Variants in ALMS1 observed in about 807,000 individuals in gnomAD.
ALMS1 encodes the protein ALMS1 centrosome and basal body associated protein, also known as centrosome-associated protein ALMS1.
Under a neutral mutation model 352.2 loss-of-function variants are expected in ALMS1, and 271 were observed. That is an observed-to-expected ratio of 0.77 (90% CI 0.70 to 0.85). The LOEUF is 0.85. Among genes scored for constraint, ALMS1 ranks in the 40% least tolerant of loss-of-function variants. The probability of loss-of-function intolerance (pLI) is 0.00; values close to 1 mark genes in which losing one functional copy is unlikely to be tolerated. For synonymous variants in ALMS1, 1,865 were observed against 1,761.2 expected (o/e 1.06, Z -1.48); for missense variants, 5,445 against 4,870.7 (o/e 1.12, Z -3.51).
intron 10 of ALMS1, among the ~76,000 whole-genome samples, chr2:73,509,571 A>G (rs1346972167): frequency 1.3e-5 from 2 of 152,188 alleles, no homozygotes. Context: ...TTCTTTAAGA[A>G]TGTTGAATGT....
chr2:73,510,405 G>A (rs7587537), intron 10 of ALMS1, among the ~76,000 whole-genome samples: 12,098 of 152,116 alleles, frequency 0.08, 1,225 homozygotes, highest in African/African-American at 0.23. Flanking sequence ...TTGCGTGGTC[G>A]TTCTTTTTGT....
chr2:73,459,674 G>A (rs1460741951), intron 9 of ALMS1, among the ~76,000 whole-genome samples: 4 of 152,056 alleles, frequency 2.6e-5, no homozygotes, highest in African/African-American at 9.7e-5. Flanking sequence ...TTTTAAGCTG[G>A]TTCCTGTGTG....
In ALMS1 at chr2:73,601,425, G is replaced by A. The variant is rs757364858; in HGVS notation, c.12103G>A (p.Ala4035Thr). 2.0e-5 allele frequency: 33 copies of A among 1,613,938 alleles called. No individual in the cohort carries two copies. Among genetic ancestry groups the A allele is most frequent in the African/African-American group, 4.0e-5 (3 of 74,940 alleles). Residue 4035 changes from alanine to threonine, a missense_variant, in exon 19 of 23, where the codon GCA becomes ACA. Physicochemically the swap from Ala to Thr is moderately conservative, Grantham distance 58. Transcript: ENST00000613296. ...GRDLLRPFVR[A>T]TLQESLQFHR... Reference sequence around the variant, plus strand: ...AGACCTACTGAGGCCATTTGTGAGAGCAACCCTTCAGGTGCAGTGACGTTG... The same window carrying A: ...AGACCTACTGAGGCCATTTGTGAGAACAACCCTTCAGGTGCAGTGACGTTG...
At chr2:73,462,565 C>G (rs1414502779) in intron 9 of ALMS1, among the ~76,000 whole-genome samples, 1 of 152,134 alleles carries the variant, frequency 6.6e-6, no homozygotes, top group Admixed American at 6.5e-5. Flanking sequence ...GCAAAATAAC[C>G]AGCTAACATC....
Position 73,601,546 on chromosome 2 carries a change from C to CT in ALMS1, c.12114+114dup, listed in dbSNP as rs1675689593. The CT allele has an allele frequency of 3.3e-6, 5 of 1,497,554 alleles. No individual in the cohort carries two copies. In the Admixed American group the frequency reaches 7.8e-5, roughly 23 times the overall value. The allele number at this position is 1,497,554 out of a possible 1,614,324, so 92.8% of individuals were successfully genotyped here. On this transcript the variant is annotated intron_variant, in intron 19 of 22. Coordinates refer to ENST00000613296, the MANE Select transcript of ALMS1 (RefSeq NM_001378454.1). ...AGCTGAGGTGTAGGCCTGAGACGCT[C>CT]TTTTCCAGCACCTCCGCAGTTCACC...
intron 9 of ALMS1, among the ~76,000 whole-genome samples, chr2:73,472,391 G>A (rs1672485798): frequency 6.6e-6 from 1 of 152,006 alleles, no homozygotes. Flanking sequence ...TTTCTTTATA[G>A]TAGAATAATA....
chr2:73,581,027 A>C (rs1190697187), intron 16 of ALMS1, among the ~76,000 whole-genome samples: 1 of 152,220 alleles, frequency 6.6e-6, no homozygotes, highest in Non-Finnish European at 1.5e-5. Context: ...AAGGTCAACC[A>C]GTGGTGAAAG....
At chr2:73,401,660 G>A (rs981299668) in intron 1 of ALMS1, among the ~76,000 whole-genome samples, 19 of 148,940 alleles carry the variant, frequency 1.3e-4, no homozygotes, top group Admixed American at 9.4e-4. Flanking sequence ...TAACATATTC[G>A]TGATCTCACA....
At chr2:73,435,870 G>A (rs553102602) in intron 7 of ALMS1, among the ~76,000 whole-genome samples, 37 of 152,290 alleles carry the variant, frequency 2.4e-4, no homozygotes, top group African/African-American at 7.2e-4. Context: ...GGGATTACAC[G>A]TGTGAGCCAC....
chr2:73,526,599 C>T (rs1205428902), intron 11 of ALMS1, among the ~76,000 whole-genome samples: 1 of 152,076 alleles, frequency 6.6e-6, no homozygotes, highest in African/African-American at 2.4e-5. Flanking sequence ...TCACTGTTGA[C>T]ATATAGAAAT....
rs558418856 is a variant in ALMS1 at position 73,563,738 on chromosome 2, A to T, written c.10384+4596A>T. 1.5e-3 allele frequency among the ~76,000 whole-genome samples: 195 copies of T among 128,798 alleles called. 1 individual carries two copies. The highest frequency in any genetic ancestry group is 2.3e-3 in the Non-Finnish European group (140 of 60,648). 84.5% of individuals were successfully genotyped at this position (128,798 alleles called of 152,430 possible). ...ACTCCATCTCAAAAAAAAAAAAAAA[A>T]AATAAAAATAAAAAATGAAGGTATG... is the stretch of plus-strand genomic sequence containing the variant. On this transcript the variant is annotated intron_variant, in intron 15 of 22. Coordinates refer to ENST00000613296, the MANE Select transcript of ALMS1 (RefSeq NM_001378454.1).
chr2:73,501,548 C>G lies in ALMS1; in HGVS notation c.9539+10050C>G, dbSNP rs1487592558. ...CTAGGAATATTCTAGCACCACTTTTCAAAAATGATTATTTCCTTATTGAAG... is the reference window on the plus strand; with the variant it reads ...CTAGGAATATTCTAGCACCACTTTTGAAAAATGATTATTTCCTTATTGAAG... On this transcript the variant is annotated intron_variant, in intron 10 of 22. Coordinates refer to ENST00000613296, the MANE Select transcript of ALMS1 (RefSeq NM_001378454.1). 2.6e-5 allele frequency among the ~76,000 whole-genome samples: 4 copies of G among 152,088 alleles called. No homozygotes were observed. The East Asian group carries it at 7.7e-4, about 29-fold the overall frequency.
At position 73,540,721 on chromosome 2, in the gene ALMS1, A is replaced by G. The variant is rs189223094; in HGVS notation, c.9907+5772A>G. Among the ~76,000 whole-genome samples, 5 of 152,350 alleles carry G rather than the reference A, an allele frequency of 3.3e-5. No homozygotes were observed. In the East Asian group the frequency reaches 9.6e-4, roughly 29 times the overall value. On this transcript the variant is annotated intron_variant, in intron 12 of 22. Coordinates refer to ENST00000613296, the MANE Select transcript of ALMS1 (RefSeq NM_001378454.1). ...AAAACAAAAAAAGGCAGGGGTTGCAATCCTAGTTTCTGATAAAACAGACTT... is the reference window on the plus strand; with the variant it reads ...AAAACAAAAAAAGGCAGGGGTTGCAGTCCTAGTTTCTGATAAAACAGACTT...
At chr2:73,541,171 T>C (rs1674169925) in intron 12 of ALMS1, among the ~76,000 whole-genome samples, 1 of 152,148 alleles carries the variant, frequency 6.6e-6, no homozygotes, top group Admixed American at 6.5e-5. Context: ...TAACAAACTG[T>C]CTCTCAGACC....
At chr2:73,554,925 T>TG (rs1674513764) in intron 13 of ALMS1, among the ~76,000 whole-genome samples, 1 of 152,192 alleles carries the variant, frequency 6.6e-6, no homozygotes, top group African/African-American at 2.4e-5. Flanking sequence ...AAAGGGTCTG[T>TG]AAGATAAACA....
At chr2:73,435,758 A>G (rs577402272) in intron 7 of ALMS1, among the ~76,000 whole-genome samples, 19 of 151,986 alleles carry the variant, frequency 1.3e-4, no homozygotes, top group Admixed American at 1.1e-3. Context: ...CACTGAGCTA[A>G]TTTTTCAAAA....
intron 12 of ALMS1, 23 bp from the exon 13 acceptor site, chr2:73,550,244 A>G: frequency 2.5e-6 from 4 of 1,613,544 alleles, no homozygotes; most frequent in East Asian, 2.2e-5. Context: ...TGTGTTTTGT[A>G]TTACTTCCCC....
At chr2:73,526,222 G>A (rs1673788188) in intron 11 of ALMS1, among the ~76,000 whole-genome samples, 1 of 152,096 alleles carries the variant, frequency 6.6e-6, no homozygotes, top group Non-Finnish European at 1.5e-5. Context: ...GATTCCTCCA[G>A]TTTCGTTCTT....
At chr2:73,405,510 G>A (rs952125171) in intron 1 of ALMS1, among the ~76,000 whole-genome samples, 2 of 150,680 alleles carry the variant, frequency 1.3e-5, no homozygotes, top group Non-Finnish European at 3.0e-5. Context: ...TGTCAGTTTT[G>A]TTTATATTTT....
Sources: gnomAD v4.1 joint callset for allele counts (sites outside exome capture counted in the v4.1 genomes callset) on GRCh38, gnomAD v4.1.1 for gene constraint, MANE v1.5 for transcripts, NCBI Gene and HGNC (gene_info 2026-07-23, HGNC 2026-07-21) for gene names.